ZNF774: variants seen among roughly 807,000 people sequenced by gnomAD.
ZNF774 encodes zinc finger protein 774.
A neutral mutation model predicts 11.1 loss-of-function variants in ZNF774; 14 were observed. That is an observed-to-expected ratio of 1.26 (90% confidence interval 0.83 to 1.97). The LOEUF (loss-of-function observed/expected upper bound fraction) is 1.97. Ranked by LOEUF, ZNF774 falls within the 30% of genes most tolerant of loss-of-function variation. The pLI, the probability that ZNF774 is intolerant of heterozygous loss-of-function variation, is 0.00. For missense variants in ZNF774, 599 were observed against 587.0 expected (o/e 1.02, Z -0.21); for synonymous variants, 195 against 212.6 (o/e 0.92, Z 0.72).
Position 90,360,609 on chromosome 15 carries a change from G to A in ZNF774, c.778G>A (p.Glu260Lys), listed in dbSNP as rs777941490. The A allele has an allele frequency of 3.1e-5, 50 of 1,614,062 alleles. No homozygotes were observed. The highest frequency in any genetic ancestry group is 2.4e-4 in the African/African-American group (18 of 74,930). ...LIMHQRTHTG[E>K]KPYACLECHK... is the part of the protein sequence containing the mutation. ...AATGCACCAAAGAACCCACACAGGCGAGAAGCCCTACGCGTGCCTGGAATG... is the reference window on the plus strand; with the variant it reads ...AATGCACCAAAGAACCCACACAGGCAAGAAGCCCTACGCGTGCCTGGAATG... Residue 260 changes from glutamate to lysine, a missense_variant, in exon 4 of 4, where the codon GAG (glutamate) becomes AAG (lysine). Physicochemically the swap from Glu to Lys is moderately conservative, Grantham distance 56 (BLOSUM62 1). Coordinates refer to ENST00000354377, the MANE Select transcript of ZNF774 (RefSeq NM_001004309.3).
In ZNF774 at chr15:90,360,083, T is replaced by G; in HGVS notation, c.252T>G (p.Ser84=). The change falls in exon 4 of 4, where the codon TCT becomes TCG. Residue 84 remains serine (S), a synonymous_variant. Coordinates refer to ENST00000354377, the MANE Select transcript of ZNF774 (RefSeq NM_001004309.3). ...HQVAKLNQDN[S]ETAEQCGTSS... ...TGGCAAAGCTCAATCAGGACAATTC[T>G]GAAACAGCAGAACAATGTGGAACAT... The G allele has an allele frequency of 6.2e-7, 1 of 1,613,972 alleles. No homozygotes were observed. The highest frequency in any genetic ancestry group is 8.5e-7 in the Non-Finnish European group (1 of 1,179,888).
chr15:90,358,912 C>T lies in ZNF774; in HGVS notation c.166C>T (p.Leu56Phe), dbSNP rs1385258775. 61 of 1,613,782 alleles carry T rather than the reference C, an allele frequency of 3.8e-5. No individual in the cohort carries two copies. Among genetic ancestry groups the T allele is most frequent in the Non-Finnish European group, 5.1e-5 (60 of 1,179,868 alleles). ...EQKEEPWVLPLQNFEARKIPR... is the reference protein window; with the variant it reads ...EQKEEPWVLPFQNFEARKIPR... ...GAAAGAAGAGCCATGGGTCCTACCA[C>T]TCCAAAACTTTGAGGCGAGGAAGAT... Residue 56 changes from leucine to phenylalanine, a missense_variant, in exon 3 of 4, where the codon CTC (leucine) becomes TTC (phenylalanine). By Grantham distance (22) the Leu-to-Phe change is conservative. Transcript: ENST00000354377.
chr15:90,361,618 C>T lies in ZNF774; in HGVS notation c.*335C>T. The T allele has an allele frequency of 1.3e-6, 1 of 766,810 alleles. No homozygotes were observed. The highest frequency in any genetic ancestry group is 1.6e-6 in the Non-Finnish European group (1 of 613,956). The allele number at this position is 766,810 out of a possible 1,614,324, so 47.5% of individuals were successfully genotyped here. ...ACTTGAGGTCAGGAGTTGAGACCAG[C>T]CTGGTGAGCATGGTGAAACCTCATC... On this transcript the variant is annotated 3_prime_UTR_variant, in exon 4 of 4. Coordinates refer to ENST00000354377, the MANE Select transcript of ZNF774 (RefSeq NM_001004309.3).
Position 90,361,207 on chromosome 15 carries a change from T to C in ZNF774, c.1376T>C (p.Phe459Ser). 6.2e-7 allele frequency: 1 copy of C among 1,613,944 alleles called. No individual in the cohort carries two copies. Among genetic ancestry groups the C allele is most frequent in the Non-Finnish European group, 8.5e-7 (1 of 1,179,956 alleles). ...AGAACGCATACAGGAGAAAAACCTT[T>C]CCACTGTAGTAAATGTAACAAGAGC... is the stretch of plus-strand genomic sequence containing the variant. ...HQRTHTGEKP[F>S]HCSKCNKSFR... is the part of the protein sequence containing the mutation. Residue 459 changes from phenylalanine to serine, a missense_variant, in exon 4 of 4, where the codon TTC (phenylalanine) becomes TCC (serine). Phe to Ser is a radical substitution (Grantham distance 155). Transcript: ENST00000354377.
Position 90,361,815 on chromosome 15 carries a change from A to C in ZNF774, c.*532A>C, listed in dbSNP as rs1964341360. The C allele has an allele frequency of 6.5e-6, 1 of 154,242 alleles. No homozygotes were observed. Among genetic ancestry groups the C allele is most frequent in the Non-Finnish European group, 1.4e-5 (1 of 69,472 alleles). 9.6% of individuals were successfully genotyped at this position (154,242 alleles called of 1,614,324 possible). On this transcript the variant is annotated 3_prime_UTR_variant, in exon 4 of 4. Transcript: ENST00000354377. ...CAACAGAGAGAGACTCTGTCTCCAA[A>C]AAAATTAAAAAGTTGATGCCTAGTT...
intron 1 of ZNF774, among the ~76,000 whole-genome samples, chr15:90,353,504 G>T (rs950121162): frequency 6.7e-5 from 10 of 149,098 alleles, no homozygotes. Flanking sequence ...TGGGACAAAA[G>T]ATGTGAAAGA....
chr15:90,355,548 C>T lies in ZNF774; in HGVS notation c.104+784C>T, dbSNP rs190766397. 598 of 399,284 alleles carry T rather than the reference C, an allele frequency of 1.5e-3. 3 individuals carry two copies. Among genetic ancestry groups the T allele is most frequent in the Non-Finnish European group, 2.4e-3 (489 of 202,504 alleles). 24.7% of individuals were successfully genotyped at this position (399,284 alleles called of 1,614,324 possible). ...GACCAGCCTGGCCAACATGATGAAACCCTGTCTCTACTAAAAATAAAAAAA... is the reference window on the plus strand; with the variant it reads ...GACCAGCCTGGCCAACATGATGAAATCCTGTCTCTACTAAAAATAAAAAAA... On this transcript the variant is annotated intron_variant, in intron 2 of 3. Transcript: ENST00000354377.
intron 2 of ZNF774, among the ~76,000 whole-genome samples, chr15:90,355,740 A>AC (rs1357122535): frequency 7.0e-6 from 1 of 142,840 alleles, no homozygotes; most frequent in Admixed American, 7.0e-5. Flanking sequence ...AAAAAAAAAA[A>AC]AAAAACAAGG....
At chr15:90,356,035 A>T (rs866026038) in intron 2 of ZNF774, among the ~76,000 whole-genome samples, 35 of 138,102 alleles carry the variant, frequency 2.5e-4, no homozygotes, top group African/African-American at 5.8e-4. Flanking sequence ...CTCAAAAAAA[A>T]AAAAATAAAT....
At chr15:90,354,844 G>A in intron 2 of ZNF774, 80 bp downstream of exon 2, 2 of 1,183,426 alleles carry the variant, frequency 1.7e-6, no homozygotes, top group Non-Finnish European at 2.4e-6. Context: ...ATCCAGGCTG[G>A]AGTGCAGTGG....
At chr15:90,358,986 G>GAA (rs1964285688) in intron 3 of ZNF774, 29 bp downstream of exon 3, 1 of 1,556,082 alleles carries the variant, frequency 6.4e-7, no homozygotes, top group Non-Finnish European at 8.8e-7. Context: ...CCAGTGGAAG[G>GAA]AAATCTAGCA....
intron 2 of ZNF774, among the ~76,000 whole-genome samples, chr15:90,356,028 A>C (rs1484383212): frequency 1.6e-5 from 1 of 63,146 alleles, no homozygotes; most frequent in South Asian, 6.0e-4. Context: ...ACTCCATCTC[A>C]AAAAAAAAAA....
intron 2 of ZNF774, chr15:90,355,515 G>T (rs1219630585): frequency 2.2e-6 from 1 of 446,740 alleles, no homozygotes; most frequent in African/African-American, 2.0e-5. Flanking sequence ...ATAAGGTCAG[G>T]AGTTCGAGAC....
chr15:90,360,745 A>G lies in ZNF774; in HGVS notation c.914A>G (p.Asp305Gly). The change falls in exon 4 of 4, where the codon GAT (aspartate) becomes GGT (glycine). Residue 305 changes from aspartate to glycine, a missense_variant. Physicochemically the swap from Asp to Gly is moderately conservative, Grantham distance 94 (BLOSUM62 -1). Transcript: ENST00000354377. ...DCGESFSQSS[D>G]LIKHQRTHTG... ...GGGGAGAGTTTTAGCCAGAGCTCGG[A>G]TTTGATTAAGCACCAACGAACCCAC... 1.9e-6 allele frequency: 3 copies of G among 1,614,184 alleles called. No individual in the cohort carries two copies. Among genetic ancestry groups the G allele is most frequent in the Non-Finnish European group, 2.5e-6 (3 of 1,180,024 alleles).
chr15:90,355,461 A>T (rs1159250681), intron 2 of ZNF774: 4 of 455,848 alleles, frequency 8.8e-6, no homozygotes, highest in Admixed American at 2.4e-5. Context: ...GCAGTGGCTC[A>T]CGCCTGTAAT....
intron 2 of ZNF774, among the ~76,000 whole-genome samples, chr15:90,356,993 C>T (rs1450329160): frequency 1.3e-5 from 2 of 151,806 alleles, no homozygotes; most frequent in Non-Finnish European, 2.9e-5. Flanking sequence ...TCTTTTAGCT[C>T]GTTTTTTAAA....
At chr15:90,354,857 C>A in intron 2 of ZNF774, 93 bp downstream of exon 2, 1 of 1,030,798 alleles carries the variant, frequency 9.7e-7, no homozygotes, top group Non-Finnish European at 1.5e-6. Flanking sequence ...TGCAGTGGCG[C>A]GATCTCGATT....
rs778932147 is a variant in ZNF774 at position 90,360,098 on chromosome 15, A to C, written c.267A>C (p.Gln89His). ...LNQDNSETAE[Q>H]CGTSSERTNK... The stretch of plus-strand genomic sequence containing the variant: ...AGGACAATTCTGAAACAGCAGAACA[A>C]TGTGGAACATCCTCAGAAAGGACCA... The change falls in exon 4 of 4, where the codon CAA becomes CAC. Residue 89 changes from glutamine (Q) to histidine (H), a missense_variant. By Grantham distance (24) the Gln-to-His change is conservative. Transcript: ENST00000354377. The C allele has an allele frequency of 6.2e-7, 1 of 1,614,196 alleles. No individual in the cohort carries two copies. Among genetic ancestry groups the C allele is most frequent in the Non-Finnish European group, 8.5e-7 (1 of 1,180,034 alleles).
chr15:90,353,289 A>G (rs1438695971), intron 1 of ZNF774, among the ~76,000 whole-genome samples: 1 of 152,066 alleles, frequency 6.6e-6, no homozygotes, highest in Admixed American at 6.6e-5. Context: ...TCTTATTACA[A>G]TTTTTACTTT....
Sources: gnomAD v4.1 joint callset for allele counts (sites outside exome capture counted in the v4.1 genomes callset) on GRCh38, gnomAD v4.1.1 for gene constraint, MANE v1.5 for transcripts, NCBI Gene and HGNC (gene_info 2026-07-23, HGNC 2026-07-21) for gene names.